Variants in GCNT1 observed in about 807,000 individuals in gnomAD.
The protein encoded by GCNT1 is beta-1,3-galactosyl-O-glycosyl-glycoprotein beta-1,6-N-acetylglucosaminyltransferase.
Under a neutral mutation model 26.2 loss-of-function variants are expected in GCNT1, and 16 were observed. The ratio of observed to expected loss-of-function variants is 0.61; its 90% CI spans 0.41 to 0.93. The LOEUF (loss-of-function observed/expected upper bound fraction) is 0.93, where lower values mean the gene tolerates loss of function less well. GCNT1 is among the 40% of genes least tolerant of loss of function. The probability of loss-of-function intolerance (pLI) is 0.00; values close to 1 mark genes in which losing one functional copy is unlikely to be tolerated. For missense variants in GCNT1, 477 were observed against 526.7 expected (o/e 0.91, Z 0.92); for synonymous variants, 183 against 190.8 (o/e 0.96, Z 0.34).
intron 1 of GCNT1, among the ~76,000 whole-genome samples, chr9:76,451,047 C>T (rs1231867365): frequency 6.6e-6 from 1 of 152,144 alleles, no homozygotes; most frequent in Admixed American, 6.6e-5. Context: ...TGCTTAGGAG[C>T]CACACTTTCT....
chr9:76,467,044 C>CTTTTTTT (rs368874355), intron 2 of GCNT1, among the ~76,000 whole-genome samples: 1 of 146,908 alleles, frequency 6.8e-6, no homozygotes, highest in African/African-American at 2.5e-5. Flanking sequence ...CTCAGCTGAT[C>CTTTTTTT]TTTTTTTTTT....
At chr9:76,502,177 CTGTA>C (rs1305947782) in intron 3 of GCNT1, 58 bp from the exon 4 acceptor site, 2,074 of 115,334 alleles carry the variant, frequency 0.018, 15 homozygotes, top group African/African-American at 0.041. Flanking sequence ...CTCTCTCTCT[CTGTA>C]TATATATATA....
In GCNT1 at chr9:76,503,745, A is replaced by T. The variant is rs1057419; in HGVS notation, c.*77A>T. On this transcript the variant is annotated 3_prime_UTR_variant, in exon 4 of 4. Coordinates refer to ENST00000376730, the MANE Select transcript of GCNT1 (RefSeq NM_001490.5). ...TATCTGTTTCCCCTTCCTTGTCAGCATCGGGAAGATGGTATGAAGTCCTCT... is the reference window on the plus strand; with the variant it reads ...TATCTGTTTCCCCTTCCTTGTCAGCTTCGGGAAGATGGTATGAAGTCCTCT... 8.4e-7 allele frequency: 1 copy of T among 1,185,102 alleles called. No individual in the cohort carries two copies. Among genetic ancestry groups the T allele is most frequent in the Non-Finnish European group, 1.2e-6 (1 of 803,294 alleles). The allele number at this position is 1,185,102 out of a possible 1,614,324, so 73.4% of individuals were successfully genotyped here. A position where few individuals can be genotyped will look rare whatever the true frequency, so the allele number is the denominator to read the frequency against.
chr9:76,399,376 A>G, the GCNT1 span: 1 of 1,474,218 alleles, frequency 6.8e-7, no homozygotes, highest in Admixed American at 1.7e-5. Context: ...CCAAGGAGGA[A>G]TTTCAGGGTG....
At chr9:76,428,501 C>CT (rs943958760) in intron 1 of GCNT1, among the ~76,000 whole-genome samples, 6 of 151,470 alleles carry the variant, frequency 4.0e-5, no homozygotes, top group African/African-American at 9.7e-5. Flanking sequence ...GACATATTTG[C>CT]TTTTTTTGAC....
At chr9:76,395,181 A>G in the GCNT1 span, among the ~76,000 whole-genome samples, 1 of 152,168 alleles carries the variant, frequency 6.6e-6, no homozygotes, top group Admixed American at 6.5e-5. Context: ...GCACGCTCCT[A>G]GGGAAGTAGC....
At position 76,429,821 on chromosome 9, in the gene GCNT1, C is replaced by T. The variant is rs571510622; in HGVS notation, n.38+9934C>T. On this transcript the variant is annotated intron_variant and non_coding_transcript_variant, in intron 1 of 3. Transcript: ENST00000488136. ...GCTCCGCCTCCCGGGTTCCTGCCATCCTCCTGCCTCAGCCTCCTGAGTAGC... is the reference window on the plus strand; with the variant it reads ...GCTCCGCCTCCCGGGTTCCTGCCATTCTCCTGCCTCAGCCTCCTGAGTAGC... 2.6e-5 allele frequency among the ~76,000 whole-genome samples: 4 copies of T among 151,440 alleles called. No individual in the cohort carries two copies. The South Asian group carries it at 8.3e-4, about 32-fold the overall frequency.
chr9:76,430,390 CA>C (rs369928924), intron 1 of GCNT1, among the ~76,000 whole-genome samples: 6 of 150,530 alleles, frequency 4.0e-5, no homozygotes, highest in African/African-American at 2.4e-5. Context: ...ACAGAACACT[CA>C]TTTTTTTTTT....
At chr9:76,396,337 C>A in the GCNT1 span, among the ~76,000 whole-genome samples, 1 of 152,164 alleles carries the variant, frequency 6.6e-6, no homozygotes, top group Non-Finnish European at 1.5e-5. Flanking sequence ...CGCCTGTAAT[C>A]CCAGCACTCT....
chr9:76,490,412 G>A (rs1304819731), intron 2 of GCNT1, among the ~76,000 whole-genome samples: 3 of 152,132 alleles, frequency 2.0e-5, no homozygotes, highest in Non-Finnish European at 4.4e-5. Flanking sequence ...TGATATTCTG[G>A]TTCCTGTAGC....
chr9:76,435,398 C>T (rs1003966555), intron 1 of GCNT1, among the ~76,000 whole-genome samples: 4 of 152,084 alleles, frequency 2.6e-5, no homozygotes, highest in South Asian at 2.1e-4. Context: ...CCCACTGGTC[C>T]CAAATTCAGC....
intron 1 of GCNT1, among the ~76,000 whole-genome samples, chr9:76,443,495 G>A (rs1823514031): frequency 1.3e-5 from 2 of 152,244 alleles, no homozygotes; most frequent in Admixed American, 6.5e-5. Flanking sequence ...GGCACAGATT[G>A]CTCATGCTAT....
chr9:76,438,282 G>A (rs992919209), upstream of GCNT1, among the ~76,000 whole-genome samples: 2 of 152,206 alleles, frequency 1.3e-5, no homozygotes, highest in African/African-American at 4.8e-5. Flanking sequence ...GAGGTGTGGG[G>A]GGTGGCTTCC....
chr9:76,394,426 T>A, the GCNT1 span: 2 of 353,896 alleles, frequency 5.7e-6, no homozygotes, highest in Non-Finnish European at 1.0e-5. Flanking sequence ...CCGAAGTAAG[T>A]GCCGGGTGTG....
At chr9:76,396,994 T>C in the GCNT1 span, among the ~76,000 whole-genome samples, 1 of 147,230 alleles carries the variant, frequency 6.8e-6, no homozygotes, top group East Asian at 2.1e-4. Context: ...ACTAAAAAAA[T>C]AAATAGGCCG....
intron 2 of GCNT1, among the ~76,000 whole-genome samples, chr9:76,464,215 T>TTTTG (rs1023153096): frequency 2.0e-4 from 31 of 152,066 alleles, no homozygotes; most frequent in Admixed American, 9.2e-4. Flanking sequence ...GAAACCCACT[T>TTTTG]TTTGTTTGTT....
chr9:76,483,560 G>A (rs145580386), intron 2 of GCNT1, among the ~76,000 whole-genome samples: 125 of 151,970 alleles, frequency 8.2e-4, no homozygotes, highest in Non-Finnish European at 1.5e-3. Flanking sequence ...GTCTACAGGC[G>A]TGCACCACCA....
chr9:76,415,062 C>CT (rs112114601), upstream of GCNT1, among the ~76,000 whole-genome samples: 19 of 150,182 alleles, frequency 1.3e-4, no homozygotes, highest in African/African-American at 2.9e-4. Flanking sequence ...TAGCTGTGAA[C>CT]TTTTTTTTTT....
At chr9:76,498,853 T>G (rs1824983040) in intron 2 of GCNT1, among the ~76,000 whole-genome samples, 1 of 151,684 alleles carries the variant, frequency 6.6e-6, no homozygotes, top group Non-Finnish European at 1.5e-5. Flanking sequence ...CATAAATTAA[T>G]GTAGCTGTCT....
Sources: allele counts gnomAD v4.1 joint callset (sites outside exome capture counted in the v4.1 genomes callset), GRCh38; gene constraint gnomAD v4.1.1; transcripts MANE v1.5; gene names NCBI Gene and HGNC (gene_info 2026-07-23, HGNC 2026-07-21).